Variants in PPARGC1A observed in about 807,000 individuals in gnomAD.
The protein encoded by PPARGC1A is peroxisome proliferator-activated receptor gamma coactivator 1-alpha.
Under a neutral mutation model 88.7 loss-of-function variants are expected in PPARGC1A, and 25 were observed. The observed-to-expected ratio is 0.28, with a 90% CI of 0.21 to 0.39. PPARGC1A has a LOEUF of 0.39. Ranked by LOEUF, PPARGC1A falls within the 10% of genes least tolerant of loss-of-function variation. The probability of loss-of-function intolerance (pLI) is 1.00; values close to 1 mark genes in which losing one functional copy is unlikely to be tolerated. For synonymous variants in PPARGC1A, 363 were observed against 355.6 expected, an observed-to-expected ratio of 1.02 and a Z score of -0.24; for missense variants, 880 against 968.7, an observed-to-expected ratio of 0.91 and a Z score of 1.22.
At chr4:24,205,241 G>A in the PPARGC1A span, among the ~76,000 whole-genome samples, 9 of 152,110 alleles carry the variant, frequency 5.9e-5, no homozygotes, top group African/African-American at 9.7e-5. Context: ...TATTGATCCC[G>A]GAGCATCTTA....
chr4:23,992,123 C>T, the PPARGC1A span, among the ~76,000 whole-genome samples: 1 of 151,656 alleles, frequency 6.6e-6, no homozygotes. Flanking sequence ...AGTGGTCAGT[C>T]CTTAGGTAGT....
the PPARGC1A span, among the ~76,000 whole-genome samples, chr4:24,437,942 G>T: frequency 1.3e-5 from 2 of 152,122 alleles, no homozygotes; most frequent in African/African-American, 2.4e-5. Context: ...CTCCCAAAGT[G>T]CTGGGATTAC....
At chr4:23,897,173 C>T (rs1167598432) in intron 1 of PPARGC1A, among the ~76,000 whole-genome samples, 1 of 152,190 alleles carries the variant, frequency 6.6e-6, no homozygotes, top group Non-Finnish European at 1.5e-5. Context: ...GCCTTTTCTG[C>T]AGATCATTCT....
At chr4:23,920,232 A>T in the PPARGC1A span, among the ~76,000 whole-genome samples, 2 of 152,220 alleles carry the variant, frequency 1.3e-5, no homozygotes, top group Non-Finnish European at 2.9e-5. Flanking sequence ...ATGGGTTAAG[A>T]TCAAGTACAG....
chr4:24,464,729 G>A, the PPARGC1A span, among the ~76,000 whole-genome samples: 1 of 152,144 alleles, frequency 6.6e-6, no homozygotes, highest in Non-Finnish European at 1.5e-5. Flanking sequence ...CTACAGAGGG[G>A]AAGCAGATTA....
At chr4:23,843,658 T>G (rs1268266216) in intron 2 of PPARGC1A, among the ~76,000 whole-genome samples, 1 of 152,062 alleles carries the variant, frequency 6.6e-6, no homozygotes. Flanking sequence ...GCCTACACAA[T>G]GTAGAAATTG....
chr4:24,299,178 C>G, the PPARGC1A span, among the ~76,000 whole-genome samples: 1 of 152,150 alleles, frequency 6.6e-6, no homozygotes, highest in Non-Finnish European at 1.5e-5. Context: ...ATTTTATGCT[C>G]TTTATTACAT....
the PPARGC1A span, among the ~76,000 whole-genome samples, chr4:24,150,933 G>A: frequency 1.9e-4 from 29 of 152,014 alleles, no homozygotes; most frequent in African/African-American, 5.6e-4. Context: ...CTATTTCCAC[G>A]CATCTCTTTC....
upstream of PPARGC1A, among the ~76,000 whole-genome samples, chr4:23,894,947 A>G (rs1415345796): frequency 6.6e-6 from 1 of 152,132 alleles, no homozygotes; most frequent in African/African-American, 2.4e-5. Flanking sequence ...TAGACAATAA[A>G]TGTTCAATAG....
At chr4:24,393,460 A>G in the PPARGC1A span, among the ~76,000 whole-genome samples, 2 of 152,234 alleles carry the variant, frequency 1.3e-5, no homozygotes, top group Admixed American at 1.3e-4. Context: ...ATAACATAAC[A>G]TACGCACCCT....
intron 2 of PPARGC1A, among the ~76,000 whole-genome samples, chr4:23,849,023 A>T (rs1294485021): frequency 6.6e-6 from 1 of 152,154 alleles, no homozygotes; most frequent in East Asian, 1.9e-4. Flanking sequence ...GGGCGCCTGT[A>T]CTCCCAGCTA....
At chr4:24,049,989 A>G in the PPARGC1A span, among the ~76,000 whole-genome samples, 1 of 152,192 alleles carries the variant, frequency 6.6e-6, no homozygotes, top group Non-Finnish European at 1.5e-5. Context: ...GTGCTTAATC[A>G]AGGAGTGACA....
At chr4:24,267,524 A>G in the PPARGC1A span, among the ~76,000 whole-genome samples, 2 of 152,144 alleles carry the variant, frequency 1.3e-5, no homozygotes, top group Non-Finnish European at 2.9e-5. Context: ...GTGACTATCA[A>G]TCCGGTGTTG....
rs143103266 is a variant in PPARGC1A at position 23,812,815 on chromosome 4, G to C, written c.1951C>G (p.Arg651Gly). The C allele has an allele frequency of 1.9e-6, 3 of 1,613,924 alleles. No homozygotes were observed. Among genetic ancestry groups the C allele is most frequent in the Non-Finnish European group, 1.7e-6 (2 of 1,179,978 alleles). Residue 651 changes from arginine to glycine, a missense_variant, in exon 10 of 13, where the codon CGC becomes GGC. Transcript: ENST00000264867. ...GACTCTCGCTTCTCATACTCTCTGC[G>C]ATATTCTTCCCTCTTCAGCCTCTCG... ...QHERLKREEYRREYEKRESER... is the reference protein window; with the variant it reads ...QHERLKREEYGREYEKRESER...
chr4:24,119,497 A>C, the PPARGC1A span, among the ~76,000 whole-genome samples: 4 of 152,170 alleles, frequency 2.6e-5, no homozygotes, highest in Non-Finnish European at 5.9e-5. Flanking sequence ...TCAAATTAGC[A>C]TCCAAAGTGG....
chr4:24,323,572 C>G, the PPARGC1A span, among the ~76,000 whole-genome samples: 2 of 152,122 alleles, frequency 1.3e-5, no homozygotes, highest in Non-Finnish European at 2.9e-5. Flanking sequence ...CCATTACCTT[C>G]CCAAATCCTA....
At chr4:24,115,608 G>A in the PPARGC1A span, among the ~76,000 whole-genome samples, 1 of 152,120 alleles carries the variant, frequency 6.6e-6, no homozygotes, top group African/African-American at 2.4e-5. Flanking sequence ...AATGCAAGAT[G>A]GCAGCGTACC....
chr4:24,172,748 G>A, the PPARGC1A span, among the ~76,000 whole-genome samples: 1 of 152,174 alleles, frequency 6.6e-6, no homozygotes, highest in Non-Finnish European at 1.5e-5. Context: ...AAATCAATAG[G>A]TAGGAAATCA....
the PPARGC1A span, among the ~76,000 whole-genome samples, chr4:24,265,725 C>A: frequency 1.3e-5 from 2 of 151,898 alleles, no homozygotes; most frequent in South Asian, 4.2e-4. Flanking sequence ...ACTAGATACA[C>A]TGGAAGTGGA....
Sources: gnomAD v4.1 joint callset for allele counts (sites outside exome capture counted in the v4.1 genomes callset) on GRCh38, gnomAD v4.1.1 for gene constraint, MANE v1.5 for transcripts, NCBI Gene and HGNC (gene_info 2026-07-23, HGNC 2026-07-21) for gene names.